MON2: variants seen among roughly 807,000 people sequenced by gnomAD.
MON2 encodes MON2 regulator of endosome-to-Golgi trafficking, also known as protein MON2 homolog.
Under a neutral mutation model 208.6 loss-of-function variants are expected in MON2, and 84 were observed. That is an observed-to-expected ratio of 0.40 (90% CI 0.34 to 0.48). The LOEUF is 0.48. MON2 is among the 20% of genes least tolerant of loss of function. The pLI is 0.59. For synonymous variants in MON2, 660 were observed against 694.0 expected, an observed-to-expected ratio of 0.95 and a Z score of 0.77; for missense variants, 1,611 against 2,015.4, an observed-to-expected ratio of 0.80 and a Z score of 3.84.
intron 7 of MON2, among the ~76,000 whole-genome samples, chr12:62,503,896 T>C (rs1199862965): frequency 1.3e-5 from 2 of 152,184 alleles, no homozygotes; most frequent in East Asian, 3.9e-4. Context: ...CCTTTTTTCC[T>C]ATCAGCACCA....
chr12:62,549,613 A>G (rs2136293947), intron 22 of MON2, 55 bp from the exon 23 acceptor site: 1 of 1,461,568 alleles, frequency 6.8e-7, no homozygotes, highest in East Asian at 2.3e-5. Context: ...CCCTGTCTCA[A>G]AAATAAATAA....
intron 32 of MON2, among the ~76,000 whole-genome samples, chr12:62,581,792 TG>T (rs1444441640): frequency 1.3e-5 from 2 of 152,166 alleles, no homozygotes; most frequent in Non-Finnish European, 2.9e-5. Context: ...ATCACACTAC[TG>T]CACTCCAGCC....
At chr12:62,553,850 T>C (rs778443502) in intron 24 of MON2, among the ~76,000 whole-genome samples, 2 of 152,186 alleles carry the variant, frequency 1.3e-5, no homozygotes, top group Non-Finnish European at 2.9e-5. Context: ...CACTTGCTTT[T>C]GTGAGTTTTT....
At chr12:62,493,151 C>T (rs2136045788) in intron 2 of MON2, among the ~76,000 whole-genome samples, 1 of 152,194 alleles carries the variant, frequency 6.6e-6, no homozygotes, top group East Asian at 1.9e-4. Context: ...TTGTCTTATC[C>T]ATCTTTGTGT....
chr12:62,490,108 CT>C, intron 2 of MON2: 31 of 570,764 alleles, frequency 5.4e-5, no homozygotes, highest in South Asian at 1.6e-4. Context: ...CCTGGTGGAC[CT>C]TTTTCAGGTG....
At chr12:62,506,683 ACC>A (rs1375288322) in intron 7 of MON2, among the ~76,000 whole-genome samples, 1 of 151,248 alleles carries the variant, frequency 6.6e-6, no homozygotes, top group African/African-American at 2.4e-5. Context: ...CCGAGATTGT[ACC>A]ATTGCACTCC....
chr12:62,567,789 A>G (rs2074437514), intron 29 of MON2, among the ~76,000 whole-genome samples: 1 of 152,226 alleles, frequency 6.6e-6, no homozygotes, highest in Non-Finnish European at 1.5e-5. Flanking sequence ...AACAAGTAAT[A>G]CTACAGTATG....
intron 12 of MON2, among the ~76,000 whole-genome samples, chr12:62,534,146 C>T (rs2072789562): frequency 6.6e-6 from 1 of 151,882 alleles, no homozygotes; most frequent in African/African-American, 2.4e-5. Context: ...ATCCCAGCTA[C>T]CTGGGAGGCT....
chr12:62,500,649 G>T (rs933320411), intron 5 of MON2, 134 bp from the exon 6 acceptor site: 15 of 514,686 alleles, frequency 2.9e-5, no homozygotes, highest in Middle Eastern at 5.2e-4. Context: ...GTTAACATTG[G>T]AAATTTTAAT....
At chr12:62,523,278 G>A (rs1592950042) in intron 8 of MON2, among the ~76,000 whole-genome samples, 1 of 152,050 alleles carries the variant, frequency 6.6e-6, no homozygotes, top group East Asian at 1.9e-4. Context: ...CATGTTTAGG[G>A]GATGTTTTTA....
intron 2 of MON2, among the ~76,000 whole-genome samples, chr12:62,486,140 A>G (rs928982052): frequency 4.6e-5 from 7 of 152,162 alleles, no homozygotes; most frequent in African/African-American, 1.4e-4. Context: ...ATATCACTGT[A>G]AATATTTAAA....
intron 30 of MON2, among the ~76,000 whole-genome samples, chr12:62,577,287 T>C (rs897294366): frequency 2.6e-5 from 4 of 152,094 alleles, no homozygotes; most frequent in Non-Finnish European, 4.4e-5. Flanking sequence ...AGCTTAGGAC[T>C]TGGACACCAG....
chr12:62,481,474 A>G (rs2069433217), intron 1 of MON2, among the ~76,000 whole-genome samples: 1 of 149,724 alleles, frequency 6.7e-6, no homozygotes, highest in Admixed American at 6.8e-5. Flanking sequence ...TGCAGTGAGC[A>G]GAGATGGAGC....
At chr12:62,567,846 C>G (rs1592420530) in intron 29 of MON2, among the ~76,000 whole-genome samples, 1 of 152,160 alleles carries the variant, frequency 6.6e-6, no homozygotes, top group African/African-American at 2.4e-5. Context: ...ATTCAGATAG[C>G]CTGACTTCGA....
intron 2 of MON2, chr12:62,489,967 A>T (rs1458980325): frequency 1.0e-6 from 1 of 981,254 alleles, no homozygotes; most frequent in Non-Finnish European, 1.3e-6. Flanking sequence ...ATTTTTCACA[A>T]TAAAACTTTT....
Position 62,586,076 on chromosome 12 carries a change from G to T in MON2, c.4907+575G>T, listed in dbSNP as rs563602344. 1.1e-3 allele frequency among the ~76,000 whole-genome samples: 175 copies of T among 152,312 alleles called. 3 individuals carry two copies. In the South Asian group the frequency reaches 0.013, roughly 11 times the overall value. ...TTCTGATCAGCCAAGGCTAATCAGAGTTGGAGTACAGACCAGAATTCAACA... is the reference window on the plus strand; with the variant it reads ...TTCTGATCAGCCAAGGCTAATCAGATTTGGAGTACAGACCAGAATTCAACA... On this transcript the variant is annotated intron_variant, in intron 33 of 34. Coordinates refer to ENST00000393630, the MANE Select transcript of MON2 (RefSeq NM_015026.3).
In MON2 at chr12:62,537,228, C is replaced by G; in HGVS notation, c.1978C>G (p.Gln660Glu). 6.2e-7 allele frequency: 1 copy of G among 1,612,606 alleles called. No homozygotes were observed. Among genetic ancestry groups the G allele is most frequent in the Non-Finnish European group, 8.5e-7 (1 of 1,178,850 alleles). ...TCACCAACAAGTTGTGGCAGTGGGT[C>G]AACCTTTAGCAGTCCAGCCTCAAGG... ...ESHQQVVAVG[Q>E]PLAVQPQGTV... Residue 660 changes from glutamine (Q) to glutamate (E), a missense_variant, in exon 15 of 35, where the codon CAA becomes GAA. Physicochemically the swap from Gln to Glu is conservative, Grantham distance 29 (BLOSUM62 2). Transcript: ENST00000393630.
chr12:62,534,445 G>C (rs2072809702), intron 12 of MON2, among the ~76,000 whole-genome samples: 1 of 144,062 alleles, frequency 6.9e-6, no homozygotes. Flanking sequence ...CTTGAACCCA[G>C]GAGGCGAAGG....
chr12:62,544,789 G>A (rs1305441676), intron 20 of MON2, 109 bp from the exon 21 acceptor site: 1 of 1,541,304 alleles, frequency 6.5e-7, no homozygotes, highest in East Asian at 2.5e-5. Context: ...TTACATTTTG[G>A]GTGTAATTTT....
Sources: allele counts gnomAD v4.1 joint callset (sites outside exome capture counted in the v4.1 genomes callset), GRCh38; gene constraint gnomAD v4.1.1; transcripts MANE v1.5; gene names NCBI Gene and HGNC (gene_info 2026-07-23, HGNC 2026-07-21).